BARX2: variants seen among roughly 807,000 people sequenced by gnomAD.
The protein encoded by BARX2 is homeobox protein BarH-like 2.
In BARX2, 11 loss-of-function variants were observed where a neutral mutation model predicts 25.5. The observed-to-expected ratio is 0.43, with a 90% CI of 0.27 to 0.71. BARX2 has a LOEUF of 0.71. Among genes scored for constraint, BARX2 ranks in the 30% least tolerant of loss-of-function variants. BARX2 has a pLI of 0.19. For missense variants in BARX2, 360 were observed against 359.9 expected, an observed-to-expected ratio of 1.00 and a Z score of 0.00; for synonymous variants, 137 against 149.5, an observed-to-expected ratio of 0.92 and a Z score of 0.61.
At chr11:129,430,076 G>C (rs771021146) in intron 1 of BARX2, among the ~76,000 whole-genome samples, 1 of 152,000 alleles carries the variant, frequency 6.6e-6, no homozygotes, top group Non-Finnish European at 1.5e-5. Flanking sequence ...CCTTGGGAAG[G>C]GTAGTTTTTT....
chr11:129,426,395 CAG>C (rs1453964665), intron 1 of BARX2, among the ~76,000 whole-genome samples: 1 of 150,958 alleles, frequency 6.6e-6, no homozygotes, highest in African/African-American at 2.4e-5. Context: ...TTTTTTGAGA[CAG>C]AGTCTCACTC....
chr11:129,412,466 C>A (rs1024771209), intron 1 of BARX2, among the ~76,000 whole-genome samples: 5 of 152,168 alleles, frequency 3.3e-5, no homozygotes, highest in Non-Finnish European at 5.9e-5. Flanking sequence ...TAAACAGCAA[C>A]GATTATTGAA....
At chr11:129,413,208 C>A (rs545406831) in intron 1 of BARX2, among the ~76,000 whole-genome samples, 1 of 152,266 alleles carries the variant, frequency 6.6e-6, no homozygotes, top group South Asian at 2.1e-4. Context: ...TATTTTTGAG[C>A]TATGCATTAT....
intron 1 of BARX2, among the ~76,000 whole-genome samples, chr11:129,401,831 C>G (rs1354863600): frequency 6.6e-6 from 1 of 151,964 alleles, no homozygotes; most frequent in African/African-American, 2.4e-5. Context: ...TGGCAGACAC[C>G]TATAATTCCA....
chr11:129,422,263 G>C (rs1862012748), intron 1 of BARX2, among the ~76,000 whole-genome samples: 1 of 152,060 alleles, frequency 6.6e-6, no homozygotes, highest in Non-Finnish European at 1.5e-5. Flanking sequence ...CAAGGACCTG[G>C]TCTGTCTTTT....
chr11:129,443,466 T>C (rs1473908204), intron 3 of BARX2, among the ~76,000 whole-genome samples: 1 of 152,062 alleles, frequency 6.6e-6, no homozygotes, highest in East Asian at 1.9e-4. Flanking sequence ...ATCCTCAAAC[T>C]TTGGTGGGCA....
At chr11:129,384,155 C>T (rs886718887) in intron 1 of BARX2, among the ~76,000 whole-genome samples, 4 of 152,048 alleles carry the variant, frequency 2.6e-5, no homozygotes, top group Non-Finnish European at 5.9e-5. Context: ...CCACCGCACC[C>T]GGCCAGATGA....
intron 1 of BARX2, among the ~76,000 whole-genome samples, chr11:129,408,587 A>G (rs1861855953): frequency 6.6e-6 from 1 of 151,918 alleles, no homozygotes; most frequent in African/African-American, 2.4e-5. Flanking sequence ...CTCTTAACCT[A>G]TGTTGTTCCA....
chr11:129,419,562 A>G (rs1360392625), intron 1 of BARX2, among the ~76,000 whole-genome samples: 1 of 152,194 alleles, frequency 6.6e-6, no homozygotes, highest in Non-Finnish European at 1.5e-5. Flanking sequence ...ATCATGGGAT[A>G]GTTTCTGTGT....
chr11:129,437,528 G>A, intron 2 of BARX2: 1 of 985,852 alleles, frequency 1.0e-6, no homozygotes, highest in Non-Finnish European at 1.2e-6. Flanking sequence ...GAGGGATCCA[G>A]TTGAGGAGGT....
chr11:129,402,398 G>C lies in BARX2; in HGVS notation c.187+26176G>C, dbSNP rs1480869489. Reference sequence around the variant, plus strand: ...GACAAAGTGTGCATGTAAACTGTCAGGGATATCATACTATTATAGGCCTGA... The same window carrying C: ...GACAAAGTGTGCATGTAAACTGTCACGGATATCATACTATTATAGGCCTGA... On this transcript the variant is annotated intron_variant, in intron 1 of 3. Transcript: ENST00000281437. Among the ~76,000 whole-genome samples, 4 of 152,288 alleles carry C rather than the reference G, an allele frequency of 2.6e-5. No homozygotes were observed. The East Asian group carries it at 5.8e-4, about 22-fold the overall frequency.
chr11:129,447,904 C>T (rs1423597223), intron 3 of BARX2, among the ~76,000 whole-genome samples: 2 of 152,122 alleles, frequency 1.3e-5, no homozygotes, highest in Non-Finnish European at 2.9e-5. Context: ...CAATTGGGTG[C>T]TTTCAAAAGC....
At chr11:129,395,894 A>G (rs949599041) in intron 1 of BARX2, among the ~76,000 whole-genome samples, 23 of 152,160 alleles carry the variant, frequency 1.5e-4, no homozygotes, top group Admixed American at 1.2e-3. Context: ...AGGGTTTGCT[A>G]TAGAGATTGA....
chr11:129,416,002 A>G (rs1861939439), intron 1 of BARX2, among the ~76,000 whole-genome samples: 1 of 152,158 alleles, frequency 6.6e-6, no homozygotes, highest in African/African-American at 2.4e-5. Context: ...GACTCAGCCA[A>G]TTTCAGAGAT....
intron 1 of BARX2, among the ~76,000 whole-genome samples, chr11:129,414,100 C>A (rs1469335445): frequency 1.3e-5 from 2 of 151,128 alleles, no homozygotes; most frequent in South Asian, 4.2e-4. Context: ...AGTAATAGCT[C>A]GGGGATTATT....
rs566105862 is a variant in BARX2 at position 129,437,350 on chromosome 11, G to A, written c.488+299G>A. ...CAGTTTAGCAAATGGTTGCTCAGGCGGTCAGCTGGGAAACAGGCTTGGTTT... is the reference window on the plus strand; with the variant it reads ...CAGTTTAGCAAATGGTTGCTCAGGCAGTCAGCTGGGAAACAGGCTTGGTTT... On this transcript the variant is annotated intron_variant, in intron 2 of 3. Coordinates refer to ENST00000281437, the MANE Select transcript of BARX2 (RefSeq NM_003658.5). 3.2e-5 allele frequency: 23 copies of A among 718,070 alleles called. No homozygotes were observed. The South Asian group carries it at 4.0e-4, about 13-fold the overall frequency. The allele number at this position is 718,070 out of a possible 1,614,324, so 44.5% of individuals were successfully genotyped here.
chr11:129,377,650 TA>T (rs1259384550), intron 1 of BARX2, among the ~76,000 whole-genome samples: 2 of 152,246 alleles, frequency 1.3e-5, no homozygotes. Context: ...ACATACTGAA[TA>T]GGGGTGATAA....
At chr11:129,384,387 G>T (rs1202364745) in intron 1 of BARX2, among the ~76,000 whole-genome samples, 2 of 152,094 alleles carry the variant, frequency 1.3e-5, no homozygotes, top group Non-Finnish European at 2.9e-5. Context: ...TTTCTGTCCT[G>T]GGAAGTACCT....
At chr11:129,417,311 G>T in intron 1 of BARX2, among the ~76,000 whole-genome samples, 1 of 152,310 alleles carries the variant, frequency 6.6e-6, no homozygotes, top group South Asian at 2.1e-4. Flanking sequence ...AAGGGTCACT[G>T]CTCTGCCCTG....
Sources: gnomAD v4.1 joint callset for allele counts (sites outside exome capture counted in the v4.1 genomes callset) on GRCh38, gnomAD v4.1.1 for gene constraint, MANE v1.5 for transcripts, NCBI Gene and HGNC (gene_info 2026-07-23, HGNC 2026-07-21) for gene names.